Variants in C16orf87 observed in about 807,000 individuals in gnomAD.
C16orf87 encodes HDAC and MIER1 interacting protein 1.
In C16orf87, 13 loss-of-function variants were observed where a neutral mutation model predicts 21.0. The observed-to-expected ratio is 0.62, with a 90% CI of 0.40 to 0.98. C16orf87 has a LOEUF of 0.98. C16orf87 is among the 50% of genes least tolerant of loss of function. C16orf87 has a pLI of 0.00. For synonymous variants in C16orf87, 49 were observed against 60.2 expected (o/e 0.81, Z 0.86); for missense variants, 113 against 180.4 (o/e 0.63, Z 2.14).
intron 2 of C16orf87, among the ~76,000 whole-genome samples, chr16:46,822,444 C>G (rs2143148226): frequency 6.6e-6 from 1 of 152,306 alleles, no homozygotes; most frequent in East Asian, 1.9e-4. Flanking sequence ...CTAAACCAAA[C>G]TCTCAGAGAG....
chr16:46,817,529 A>G (rs1968285202), intron 2 of C16orf87, among the ~76,000 whole-genome samples: 1 of 152,050 alleles, frequency 6.6e-6, no homozygotes, highest in South Asian at 2.1e-4. Flanking sequence ...CTCTACTAAA[A>G]ATAAAAAAAT....
At chr16:46,806,345 C>A (rs1224556394) in intron 3 of C16orf87, among the ~76,000 whole-genome samples, 1 of 151,752 alleles carries the variant, frequency 6.6e-6, no homozygotes, top group African/African-American at 2.4e-5. Context: ...GCAACCTCCG[C>A]CTCCTGGGCT....
At chr16:46,815,626 C>G (rs1968218013) in intron 2 of C16orf87, among the ~76,000 whole-genome samples, 1 of 152,034 alleles carries the variant, frequency 6.6e-6, no homozygotes, top group Non-Finnish European at 1.5e-5. Flanking sequence ...TAAATGGCCA[C>G]TAAGCACATG....
chr16:46,816,763 T>C (rs1968257009), intron 2 of C16orf87, among the ~76,000 whole-genome samples: 1 of 152,174 alleles, frequency 6.6e-6, no homozygotes, highest in African/African-American at 2.4e-5. Context: ...GCAGGTGAGG[T>C]GGCATCTAGC....
intron 3 of C16orf87, among the ~76,000 whole-genome samples, chr16:46,804,167 C>A (rs144218469): frequency 5.9e-5 from 9 of 152,174 alleles, no homozygotes; most frequent in Admixed American, 4.6e-4. Flanking sequence ...GATGTTTACA[C>A]GTATCAGGTA....
Position 46,809,694 on chromosome 16 carries a change from C to T in C16orf87, c.255G>A (p.Lys85=). The T allele has an allele frequency of 6.2e-7, 1 of 1,609,884 alleles. No homozygotes were observed. Among genetic ancestry groups the T allele is most frequent in the South Asian group, 1.1e-5 (1 of 90,974 alleles). Residue 85 remains lysine (K), a synonymous_variant, in exon 3 of 4, where the codon AAG becomes AAA. Transcript: ENST00000285697. ...CTGAATGGCTGTTACTTCGAGACCT[C>T]TTTCTGTTTTCTAAATCTTTATTTA... ...STVNKDLENR[K]RSRSNSHSDH...
rs1596794583 is a variant in C16orf87, at chr16:46,796,910, C to CG, written c.*6041dup. 5 of 152,226 alleles carry CG rather than the reference C, an allele frequency of 3.3e-5. 1 individual carries two copies. The allele number at this position is 152,226 out of a possible 1,614,324, so 9.4% of individuals were successfully genotyped here. A position where few individuals can be genotyped will look rare whatever the true frequency, so the allele number is the denominator to read the frequency against. On this transcript the variant is annotated 3_prime_UTR_variant, in exon 4 of 4. Coordinates refer to ENST00000285697, the MANE Select transcript of C16orf87 (RefSeq NM_001001436.4). ...CCCAAAGAGAATAAATTCAAACACC[C>CG]GGGCACATCATAATCAAACCAATAA... is the stretch of plus-strand genomic sequence containing the variant.
At chr16:46,820,544 T>C (rs1287572176) in intron 2 of C16orf87, among the ~76,000 whole-genome samples, 1 of 152,252 alleles carries the variant, frequency 6.6e-6, no homozygotes, top group Non-Finnish European at 1.5e-5. Flanking sequence ...TCTTTCAAAC[T>C]AGCACATACT....
At position 46,831,180 on chromosome 16, in the gene C16orf87, C is replaced by T. The variant is rs765996160; in HGVS notation, c.-31G>A. On this transcript the variant is annotated 5_prime_UTR_variant, in exon 1 of 4. Transcript: ENST00000285697. ...TCTCCCTTAGCGGCGGCAGCAGCGA[C>T]GGCTCGGGCTCCTCCCCTCACACTT... 62 of 1,540,176 alleles carry T rather than the reference C, an allele frequency of 4.0e-5. No individual in the cohort carries two copies. The highest frequency in any genetic ancestry group is 5.0e-5 in the Non-Finnish European group (57 of 1,135,600).
chr16:46,813,123 T>C (rs905514490), intron 2 of C16orf87, among the ~76,000 whole-genome samples: 8 of 152,188 alleles, frequency 5.3e-5, no homozygotes, highest in Admixed American at 5.2e-4. Flanking sequence ...ATTGTTATGA[T>C]GGCTCCAAAG....
chr16:46,824,815 G>A (rs1470973350), intron 1 of C16orf87, among the ~76,000 whole-genome samples: 3 of 151,894 alleles, frequency 2.0e-5, no homozygotes, highest in Non-Finnish European at 2.9e-5. Context: ...ACAGGCACAC[G>A]CTACCATGCC....
rs2143028326 is a variant in C16orf87 at position 46,801,834 on chromosome 16, A to G, written c.*1118T>C. The G allele has an allele frequency of 6.6e-6, 1 of 152,330 alleles. No homozygotes were observed. The highest frequency in any genetic ancestry group is 6.5e-5 in the Admixed American group (1 of 15,302). The allele number at this position is 152,330 out of a possible 1,614,324, so 9.4% of individuals were successfully genotyped here. On this transcript the variant is annotated 3_prime_UTR_variant, in exon 4 of 4. Transcript: ENST00000285697. The stretch of plus-strand genomic sequence containing the variant: ...GTAAGAAGGCTTTAAAAGGATTTCT[A>G]AACAGATTGGGGGAAGAGCGACTGA...
chr16:46,805,856 CT>C (rs1315151733), intron 3 of C16orf87, among the ~76,000 whole-genome samples: 1 of 152,130 alleles, frequency 6.6e-6, no homozygotes, highest in Non-Finnish European at 1.5e-5. Flanking sequence ...AACTTTTTTA[CT>C]TTTTTTACCT....
rs965634621 is a variant in C16orf87 at position 46,817,019 on chromosome 16, C to T, written c.164-7234G>A. Among the ~76,000 whole-genome samples the T allele has an allele frequency of 2.6e-5, 4 of 152,170 alleles. No individual in the cohort carries two copies. The South Asian group carries it at 8.3e-4, about 32-fold the overall frequency. ...TTGATGACATCATTGAGCCAATATCCTTGTACTGCCTATCTTTATCCTTCT... is the reference window on the plus strand; with the variant it reads ...TTGATGACATCATTGAGCCAATATCTTTGTACTGCCTATCTTTATCCTTCT... On this transcript the variant is annotated intron_variant, in intron 2 of 3. Coordinates refer to ENST00000285697, the MANE Select transcript of C16orf87 (RefSeq NM_001001436.4).
At chr16:46,807,120 G>T (rs1261826705) in intron 3 of C16orf87, among the ~76,000 whole-genome samples, 2 of 152,204 alleles carry the variant, frequency 1.3e-5, no homozygotes, top group African/African-American at 4.8e-5. Flanking sequence ...TTATATTTAA[G>T]AGTACAATGG....
At chr16:46,828,858 C>G (rs1959732752) in intron 1 of C16orf87, among the ~76,000 whole-genome samples, 1 of 152,076 alleles carries the variant, frequency 6.6e-6, no homozygotes. Context: ...AATGAGAAAG[C>G]TAAAATTCAT....
chr16:46,830,735 G>A, intron 1 of C16orf87: 1 of 212,102 alleles, frequency 4.7e-6, no homozygotes, highest in Non-Finnish European at 9.3e-6. Context: ...CGCCGGGGCT[G>A]CGGCCCGCAG....
intron 2 of C16orf87, among the ~76,000 whole-genome samples, chr16:46,822,384 G>A (rs1004957912): frequency 2.6e-5 from 4 of 152,130 alleles, no homozygotes; most frequent in African/African-American, 7.2e-5. Flanking sequence ...GAGCTGACAC[G>A]CCACCCCAAA....
intron 2 of C16orf87, among the ~76,000 whole-genome samples, chr16:46,810,699 C>A (rs969331336): frequency 6.6e-6 from 1 of 152,058 alleles, no homozygotes; most frequent in Non-Finnish European, 1.5e-5. Context: ...GTAATATTAT[C>A]CCCAAACACC....
Sources: allele counts gnomAD v4.1 joint callset (sites outside exome capture counted in the v4.1 genomes callset), GRCh38; gene constraint gnomAD v4.1.1; transcripts MANE v1.5; gene names NCBI Gene and HGNC (gene_info 2026-07-23, HGNC 2026-07-21).